Variants in SLC14A2 observed in about 807,000 individuals in gnomAD.
SLC14A2 encodes the protein urea transporter 2.
In SLC14A2, 91 loss-of-function variants were observed where a neutral mutation model predicts 104.6. The observed-to-expected ratio is 0.87, with a 90% CI of 0.73 to 1.04. The LOEUF (loss-of-function observed/expected upper bound fraction) is 1.04. Among genes scored for constraint, SLC14A2 ranks in the 50% least tolerant of loss-of-function variants. The pLI, the probability that SLC14A2 is intolerant of heterozygous loss-of-function variation, is 0.00. For missense variants in SLC14A2, 1,189 were observed against 1,156.0 expected (o/e 1.03, Z -0.41); for synonymous variants, 476 against 466.4 (o/e 1.02, Z -0.27).
At chr18:45,209,550 T>C (rs1449057064), upstream of SLC14A2, among the ~76,000 whole-genome samples, 1 of 109,966 alleles carries the variant, frequency 9.1e-6, no homozygotes, top group Non-Finnish European at 1.8e-5. Context: ...TTCCTTTTTC[T>C]TTTTTTTTTT....
At chr18:45,391,568 C>A (rs1156382937) in intron 1 of SLC14A2, among the ~76,000 whole-genome samples, 1 of 152,130 alleles carries the variant, frequency 6.6e-6, no homozygotes, top group African/African-American at 2.4e-5. Context: ...CCTATTTCTC[C>A]ACATCCTCTC....
chr18:45,531,633 T>G (rs2043689895), intron 2 of SLC14A2, among the ~76,000 whole-genome samples: 2 of 152,234 alleles, frequency 1.3e-5, no homozygotes. Flanking sequence ...GCAAACATTT[T>G]CTCCCATTCT....
intron 1 of SLC14A2, among the ~76,000 whole-genome samples, chr18:45,459,244 CAG>C (rs1175463105): frequency 6.6e-6 from 1 of 152,198 alleles, no homozygotes; most frequent in Admixed American, 6.5e-5. Context: ...AGGGTGGAGA[CAG>C]AGAGGGCCTA....
At chr18:45,174,148 G>T in the SLC14A2 span, among the ~76,000 whole-genome samples, 1 of 152,020 alleles carries the variant, frequency 6.6e-6, no homozygotes, top group Non-Finnish European at 1.5e-5. Flanking sequence ...TTAAAGCACA[G>T]GGCAGATCAG....
chr18:45,525,326 TTC>T (rs2043579600), intron 2 of SLC14A2, among the ~76,000 whole-genome samples: 1 of 152,218 alleles, frequency 6.6e-6, no homozygotes, highest in South Asian at 2.1e-4. Flanking sequence ...ATCCTTGGAC[TTC>T]TGTCTCCCTG....
In SLC14A2 at chr18:45,220,827, C is replaced by T. The variant is rs138134880; in HGVS notation, c.-125+7636C>T. On this transcript the variant is annotated intron_variant, in intron 1 of 20. Coordinates refer to the SLC14A2 transcript ENST00000586448. ...TCTTGTGGTTCTCGAGGCTGGAAGGCCAAAATTAAGATGTTGGCAAAATTG... is the reference window on the plus strand; with the variant it reads ...TCTTGTGGTTCTCGAGGCTGGAAGGTCAAAATTAAGATGTTGGCAAAATTG... 2.7e-3 allele frequency among the ~76,000 whole-genome samples: 410 copies of T among 152,234 alleles called. 4 individuals carry two copies. Among genetic ancestry groups the T allele is most frequent in the African/African-American group, 8.8e-3 (366 of 41,534 alleles).
intron 1 of SLC14A2, among the ~76,000 whole-genome samples, chr18:45,416,729 T>C (rs1347850738): frequency 6.6e-6 from 1 of 152,222 alleles, no homozygotes; most frequent in Non-Finnish European, 1.5e-5. Flanking sequence ...ACTACCGTAT[T>C]ATTTATGAGA....
intron 2 of SLC14A2, among the ~76,000 whole-genome samples, chr18:45,544,786 C>CTTTTTTTTTTTTTTTTTTT: frequency 1.1e-5 from 1 of 88,868 alleles, no homozygotes; most frequent in Non-Finnish European, 2.2e-5. Flanking sequence ...TCAATAATGT[C>CTTTTTTTTTTTTTTTTTTT]TTTTTTTTTT....
chr18:45,194,976 G>T, the SLC14A2 span, among the ~76,000 whole-genome samples: 1 of 151,686 alleles, frequency 6.6e-6, no homozygotes. Context: ...AATACTCTTG[G>T]AGATCTCCCT....
At chr18:45,339,298 C>A (rs1243651782) in intron 1 of SLC14A2, among the ~76,000 whole-genome samples, 3 of 152,142 alleles carry the variant, frequency 2.0e-5, no homozygotes, top group Non-Finnish European at 2.9e-5. Context: ...ACAAGACTGC[C>A]TGTACAACAC....
At chr18:45,213,131 TA>T (rs2083976079) in exon 1 of SLC14A2, 1 of 152,128 alleles carries the variant, frequency 6.6e-6, no homozygotes, top group South Asian at 2.1e-4. Context: ...CACCTCTACC[TA>T]CAGACAAGGA....
intron 2 of SLC14A2, among the ~76,000 whole-genome samples, chr18:45,561,691 CCCT>C (rs1322079434): frequency 5.9e-5 from 9 of 152,210 alleles, no homozygotes; most frequent in Non-Finnish European, 1.2e-4. Flanking sequence ...TCCCCTCCCT[CCCT>C]CTCCAGCAAC....
At chr18:45,441,460 T>G (rs1342577620) in intron 1 of SLC14A2, among the ~76,000 whole-genome samples, 1 of 152,164 alleles carries the variant, frequency 6.6e-6, no homozygotes. Flanking sequence ...GATCTTGGCT[T>G]CAGGAGACAG....
chr18:45,185,470 C>T, the SLC14A2 span, among the ~76,000 whole-genome samples: 9 of 152,084 alleles, frequency 5.9e-5, no homozygotes, highest in East Asian at 1.9e-4. Flanking sequence ...GCCCCAGAAT[C>T]GGGAGGAATA....
chr18:45,553,784 CA>C (rs1165325630), intron 2 of SLC14A2, among the ~76,000 whole-genome samples: 4 of 152,108 alleles, frequency 2.6e-5, no homozygotes, highest in Admixed American at 2.0e-4. Flanking sequence ...GAAAGGGACC[CA>C]CACAATCTAT....
chr18:45,257,565 G>A (rs1015433084), intron 1 of SLC14A2, among the ~76,000 whole-genome samples: 2 of 152,154 alleles, frequency 1.3e-5, no homozygotes, highest in African/African-American at 2.4e-5. Flanking sequence ...TGCAAGTCAT[G>A]AGTTTTTAGA....
intron 1 of SLC14A2, among the ~76,000 whole-genome samples, chr18:45,251,444 C>T (rs1202434883): frequency 6.6e-6 from 1 of 151,322 alleles, no homozygotes; most frequent in Admixed American, 6.6e-5. Context: ...AAGTACTCTT[C>T]TCCTGCACAT....
intron 1 of SLC14A2, among the ~76,000 whole-genome samples, chr18:45,421,687 G>A (rs943719317): frequency 3.9e-5 from 6 of 152,160 alleles, no homozygotes; most frequent in African/African-American, 1.4e-4. Flanking sequence ...CCATGCAGCT[G>A]ACCAATCACA....
Position 45,306,548 on chromosome 18 carries a change from T to C in SLC14A2, c.-125+93357T>C, listed in dbSNP as rs974755639. Among the ~76,000 whole-genome samples the C allele has an allele frequency of 7.2e-5, 11 of 152,210 alleles. 1 individual carries two copies. The highest frequency in any genetic ancestry group is 2.0e-4 in the Admixed American group (3 of 15,278). ...CATAGGCACTGAAATTTTAATTTCA[T>C]ATAATTTTCACATGTGATGAAATAC... is the stretch of plus-strand genomic sequence containing the variant. On this transcript the variant is annotated intron_variant, in intron 1 of 20. Transcript: ENST00000586448.
Sources: gnomAD v4.1 joint callset for allele counts (sites outside exome capture counted in the v4.1 genomes callset) on GRCh38, gnomAD v4.1.1 for gene constraint, MANE v1.5 for transcripts, NCBI Gene and HGNC (gene_info 2026-07-23, HGNC 2026-07-21) for gene names.